GMDS: variants seen among roughly 807,000 people sequenced by gnomAD.
The protein encoded by GMDS is GDP-mannose 4,6 dehydratase.
Under a neutral mutation model 49.9 loss-of-function variants are expected in GMDS, and 20 were observed. The ratio of observed to expected loss-of-function variants is 0.40; its 90% confidence interval spans 0.28 to 0.58. The LOEUF is 0.58. Ranked by LOEUF, GMDS falls within the 20% of genes least tolerant of loss-of-function variation. The probability of loss-of-function intolerance (pLI) is 0.42; values close to 1 mark genes in which losing one functional copy is unlikely to be tolerated. For synonymous variants in GMDS, 177 were observed against 178.6 expected (o/e 0.99, Z 0.07); for missense variants, 362 against 481.4 (o/e 0.75, Z 2.32).
chr6:1,890,086 T>G (rs1208322200), intron 7 of GMDS, among the ~76,000 whole-genome samples: 1 of 152,164 alleles, frequency 6.6e-6, no homozygotes, highest in Non-Finnish European at 1.5e-5. Context: ...CTGTGCAAGT[T>G]TTCATGTGGA....
intron 7 of GMDS, among the ~76,000 whole-genome samples, chr6:1,897,633 A>C (rs1760270986): frequency 6.6e-6 from 1 of 152,176 alleles, no homozygotes; most frequent in Admixed American, 6.5e-5. Flanking sequence ...AATGTTCTTT[A>C]CCTCAAACAT....
intron 7 of GMDS, among the ~76,000 whole-genome samples, chr6:1,782,373 T>C (rs1254975403): frequency 6.6e-6 from 1 of 152,232 alleles, no homozygotes; most frequent in Non-Finnish European, 1.5e-5. Context: ...CATTTACTTA[T>C]TTATCTTGAG....
intron 4 of GMDS, among the ~76,000 whole-genome samples, chr6:2,012,560 G>A (rs1181745870): frequency 3.9e-5 from 6 of 152,174 alleles, no homozygotes; most frequent in African/African-American, 7.2e-5. Flanking sequence ...ATGGAAAACC[G>A]ATGACTTTTC....
chr6:2,089,296 A>G (rs1773184317), intron 4 of GMDS, among the ~76,000 whole-genome samples: 1 of 152,196 alleles, frequency 6.6e-6, no homozygotes, highest in South Asian at 2.1e-4. Context: ...CTGATTTACT[A>G]TTGAATTTAG....
At chr6:1,938,167 AAAGT>A (rs1762640860) in intron 6 of GMDS, among the ~76,000 whole-genome samples, 1 of 152,204 alleles carries the variant, frequency 6.6e-6, no homozygotes, top group African/African-American at 2.4e-5. Flanking sequence ...TAGAGGTGAT[AAAGT>A]AAGTTTCCCC....
intron 7 of GMDS, among the ~76,000 whole-genome samples, chr6:1,920,648 T>C (rs1761669835): frequency 6.6e-6 from 1 of 152,266 alleles, no homozygotes; most frequent in East Asian, 1.9e-4. Context: ...ATCTATTTCC[T>C]GTGGACAGTC....
At chr6:1,978,118 T>C (rs538517603) in intron 4 of GMDS, among the ~76,000 whole-genome samples, 4 of 152,150 alleles carry the variant, frequency 2.6e-5, no homozygotes, top group Non-Finnish European at 4.4e-5. Flanking sequence ...GCCACCTGGA[T>C]TGCTGGATAA....
chr6:1,819,011 T>C (rs1446016571), intron 7 of GMDS, among the ~76,000 whole-genome samples: 4 of 152,062 alleles, frequency 2.6e-5, no homozygotes, highest in Non-Finnish European at 5.9e-5. Flanking sequence ...TATTTACACA[T>C]ATATATTTAA....
chr6:1,685,083 T>C (rs1000957043), intron 9 of GMDS, among the ~76,000 whole-genome samples: 1 of 151,178 alleles, frequency 6.6e-6, no homozygotes, highest in African/African-American at 2.4e-5. Flanking sequence ...GTAAAGCACC[T>C]TGAGACACTT....
At chr6:2,064,889 C>A (rs1289020479) in intron 4 of GMDS, among the ~76,000 whole-genome samples, 1 of 152,096 alleles carries the variant, frequency 6.6e-6, no homozygotes, top group Non-Finnish European at 1.5e-5. Context: ...TCACAATAAC[C>A]CAATAGTACT....
chr6:1,890,179 T>A (rs1759805397), intron 7 of GMDS, among the ~76,000 whole-genome samples: 1 of 152,008 alleles, frequency 6.6e-6, no homozygotes, highest in African/African-American at 2.4e-5. Flanking sequence ...GGCTAAGCTG[T>A]CTTACATTAT....
At position 2,029,858 on chromosome 6, in the gene GMDS, TA is replaced by T. The variant is rs557765468; in HGVS notation, c.346-68893del. ...AGGTACTTTAATTTAAATATAAATT[TA>T]AATTTTGTGTCATTTTGAATTATAT... is the stretch of plus-strand genomic sequence containing the variant. On this transcript the variant is annotated intron_variant, in intron 4 of 10. Coordinates refer to ENST00000380815, the MANE Select transcript of GMDS (RefSeq NM_001500.4). Among the ~76,000 whole-genome samples, 460 of 152,302 alleles carry T rather than the reference TA, an allele frequency of 3.0e-3. 5 individuals are homozygous for T. The highest frequency in any genetic ancestry group is 0.01 in the African/African-American group (430 of 41,568).
At chr6:1,971,075 A>G (rs1051733717) in intron 4 of GMDS, among the ~76,000 whole-genome samples, 2 of 152,138 alleles carry the variant, frequency 1.3e-5, no homozygotes, top group African/African-American at 4.8e-5. Context: ...CAGCATGAGC[A>G]AAAGGAGAGA....
chr6:2,039,603 G>A (rs1188666087), intron 4 of GMDS, among the ~76,000 whole-genome samples: 1 of 150,550 alleles, frequency 6.6e-6, no homozygotes, highest in Non-Finnish European at 1.5e-5. Context: ...TAGATTTTTT[G>A]TTAGAAATGA....
At chr6:1,794,829 T>A (rs1769675296) in intron 7 of GMDS, among the ~76,000 whole-genome samples, 2 of 152,120 alleles carry the variant, frequency 1.3e-5, no homozygotes, top group South Asian at 4.1e-4. Context: ...ATTAAATGTA[T>A]TTAAAAGTTA....
intron 7 of GMDS, among the ~76,000 whole-genome samples, chr6:1,802,949 T>C (rs1204932907): frequency 6.6e-6 from 1 of 152,214 alleles, no homozygotes; most frequent in African/African-American, 2.4e-5. Flanking sequence ...GCACTAACTG[T>C]GCTGATCGGA....
intron 7 of GMDS, among the ~76,000 whole-genome samples, chr6:1,753,963 A>G (rs1188345798): frequency 6.6e-6 from 1 of 152,216 alleles, no homozygotes; most frequent in Non-Finnish European, 1.5e-5. Context: ...ATAACATCAC[A>G]ATTAAAAGGA....
intron 1 of GMDS, among the ~76,000 whole-genome samples, chr6:2,180,963 C>T (rs759745749): frequency 6.6e-6 from 1 of 151,810 alleles, no homozygotes. Context: ...GTCAGGAGAT[C>T]GAGACCATCC....
At chr6:2,142,178 C>G (rs1581705675) in intron 1 of GMDS, among the ~76,000 whole-genome samples, 1 of 152,112 alleles carries the variant, frequency 6.6e-6, no homozygotes, top group East Asian at 1.9e-4. Flanking sequence ...GAAAAAAGAG[C>G]AGGTTCCTGT....
Sources: allele counts gnomAD v4.1 joint callset (sites outside exome capture counted in the v4.1 genomes callset), GRCh38; gene constraint gnomAD v4.1.1; transcripts MANE v1.5; gene names NCBI Gene and HGNC (gene_info 2026-07-23, HGNC 2026-07-21).